HIVEP3: variants seen among roughly 807,000 people sequenced by gnomAD.
HIVEP3 encodes HIVEP zinc finger 3.
A neutral mutation model predicts 152.8 loss-of-function variants in HIVEP3; 49 were observed. That is an observed-to-expected ratio of 0.32 (90% CI 0.26 to 0.41). The LOEUF (loss-of-function observed/expected upper bound fraction) is 0.41. HIVEP3 is among the 10% of genes least tolerant of loss of function. The pLI, the probability that HIVEP3 is intolerant of heterozygous loss-of-function variation, is 1.00. For missense variants in HIVEP3, 2,790 were observed against 3,103.3 expected (o/e 0.90, Z 2.40); for synonymous variants, 1,269 against 1,289.0 (o/e 0.98, Z 0.33).
chr1:41,694,631 G>A (rs554490800), intron 2 of HIVEP3, among the ~76,000 whole-genome samples: 2 of 152,150 alleles, frequency 1.3e-5, no homozygotes, highest in East Asian at 1.9e-4. Flanking sequence ...ACTAGACTGC[G>A]TGTCATGTGC....
Position 41,580,527 on chromosome 1 carries a change from G to A in HIVEP3, c.4271C>T (p.Thr1424Ile), listed in dbSNP as rs780224546. The A allele has an allele frequency of 6.2e-6, 10 of 1,614,104 alleles. No individual in the cohort carries two copies. In the African/African-American group the frequency reaches 6.7e-5, roughly 11 times the overall value. The change falls in exon 4 of 9, where the codon ACA becomes ATA. Residue 1424 changes from threonine to isoleucine, a missense_variant. By Grantham distance (89) the Thr-to-Ile change is moderately conservative (BLOSUM62 -1). Transcript: ENST00000372583. ...SILSLEGSSS[T>I]AGGSKRVLSP... ...AAGGACACGTTTGCTTCCCCCTGCT[G>A]TTGATGAACTCCCCTCCAGGCTCAA...
chr1:41,798,474 TA>T (rs1163995699), intron 1 of HIVEP3, among the ~76,000 whole-genome samples: 2 of 152,170 alleles, frequency 1.3e-5, no homozygotes, highest in African/African-American at 2.4e-5. Flanking sequence ...CATAAAGCCA[TA>T]GGCTGATGCC....
intron 1 of HIVEP3, among the ~76,000 whole-genome samples, chr1:42,016,891 G>C (rs995633364): frequency 3.3e-5 from 5 of 151,976 alleles, no homozygotes; most frequent in Admixed American, 6.6e-5. Context: ...TATTTATGTA[G>C]GCAAATATTT....
At chr1:41,994,198 G>A (rs1477105805) in intron 1 of HIVEP3, among the ~76,000 whole-genome samples, 1 of 149,502 alleles carries the variant, frequency 6.7e-6, no homozygotes, top group Admixed American at 6.7e-5. Context: ...TCTCTGGAGA[G>A]AAGCATGTTA....
rs1002570755 is a variant in HIVEP3, at chr1:42,011,689, T to C, written n.119+24118A>G. Among the ~76,000 whole-genome samples, 8 of 152,328 alleles carry C rather than the reference T, an allele frequency of 5.3e-5. No individual in the cohort carries two copies. In the East Asian group the frequency reaches 7.7e-4, roughly 15 times the overall value. ...TCCTCCACCGATTCTGTGGTCCTCA[T>C]GTTGGCCTCAAAGCCTCAAGGCAGA... On this transcript the variant is annotated intron_variant and non_coding_transcript_variant, in intron 1 of 3. Coordinates refer to the HIVEP3 transcript ENST00000489103.
At chr1:41,982,651 C>T (rs1354948911) in intron 1 of HIVEP3, among the ~76,000 whole-genome samples, 3 of 152,108 alleles carry the variant, frequency 2.0e-5, no homozygotes, top group African/African-American at 7.2e-5. Context: ...GTAGTTCCAC[C>T]GGGTCAGTTC....
At chr1:41,565,527 GACACACACAC>G (rs56139506) in intron 5 of HIVEP3, among the ~76,000 whole-genome samples, 22 of 137,386 alleles carry the variant, frequency 1.6e-4, no homozygotes, top group African/African-American at 5.4e-4. Flanking sequence ...AAAACTGAAA[GACACACACAC>G]ACACACACAC....
At chr1:42,001,597 C>A (rs1275539332) in intron 1 of HIVEP3, among the ~76,000 whole-genome samples, 3 of 152,170 alleles carry the variant, frequency 2.0e-5, no homozygotes, top group Non-Finnish European at 4.4e-5. Context: ...CTGGGCTGGG[C>A]CCCGAAGACA....
At chr1:41,663,832 G>C (rs993611212) in intron 2 of HIVEP3, among the ~76,000 whole-genome samples, 2 of 152,116 alleles carry the variant, frequency 1.3e-5, no homozygotes, top group Admixed American at 1.3e-4. Context: ...CTGTTCTGTG[G>C]ATCACCACCA....
intron 1 of HIVEP3, among the ~76,000 whole-genome samples, chr1:41,842,601 C>T (rs1643322341): frequency 6.6e-6 from 1 of 152,298 alleles, no homozygotes; most frequent in East Asian, 1.9e-4. Context: ...TAACAGAATG[C>T]TAGCTTCCCA....
At chr1:41,829,440 A>G (rs1180880185) in intron 1 of HIVEP3, among the ~76,000 whole-genome samples, 1 of 152,142 alleles carries the variant, frequency 6.6e-6, no homozygotes, top group Non-Finnish European at 1.5e-5. Flanking sequence ...AGGCCCTGAA[A>G]ATGGCCCAGA....
chr1:41,669,614 A>G (rs1394141198), intron 2 of HIVEP3, among the ~76,000 whole-genome samples: 2 of 152,158 alleles, frequency 1.3e-5, no homozygotes, highest in Non-Finnish European at 2.9e-5. Context: ...GAGCTGGGAC[A>G]TTGGTCTTTT....
intron 1 of HIVEP3, among the ~76,000 whole-genome samples, chr1:42,022,690 T>C (rs348128): frequency 0.8 from 121,379 of 152,212 alleles, 49,070 homozygotes; most frequent in East Asian, 0.96. Context: ...GTCACCACTT[T>C]TATATATCTC....
In HIVEP3 at chr1:41,516,284, C is replaced by G. The variant is rs1392762750; in HGVS notation, c.5470+2118G>C. Among the ~76,000 whole-genome samples the G allele has an allele frequency of 2.1e-5, 3 of 142,750 alleles. No homozygotes were observed. In the Admixed American group the frequency reaches 2.1e-4, roughly 10 times the overall value. The allele number at this position is 142,750 out of a possible 152,430, so 93.6% of individuals were successfully genotyped here. On this transcript the variant is annotated intron_variant, in intron 7 of 8. Transcript: ENST00000372583. ...AGAGGCCACACGGTGGCGCTAGCGC[C>G]CAGCCTGGCCAGCACCATGGGCAGG...
Position 41,787,428 on chromosome 1 carries a change from AC to A in HIVEP3, c.-800-86434del, listed in dbSNP as rs201146898. Among the ~76,000 whole-genome samples, 134 of 151,864 alleles carry A rather than the reference AC, an allele frequency of 8.8e-4. 4 individuals are homozygous for A. The East Asian group carries it at 0.025, about 29-fold the overall frequency. ...TACTGGACAATGCCGATCTGGGCAT[AC>A]CCCCTCCCTACGTATACTTACGCCC... On this transcript the variant is annotated intron_variant, in intron 1 of 8. Transcript: ENST00000372583.
intron 5 of HIVEP3, among the ~76,000 whole-genome samples, chr1:41,568,220 T>A (rs1644197976): frequency 6.6e-6 from 1 of 152,166 alleles, no homozygotes; most frequent in African/African-American, 2.4e-5. Context: ...AGGAAGAGGA[T>A]AAGAAGTGCC....
intron 1 of HIVEP3, among the ~76,000 whole-genome samples, chr1:41,863,582 G>T (rs1286658284): frequency 1.3e-5 from 2 of 152,214 alleles, no homozygotes; most frequent in Non-Finnish European, 2.9e-5. Context: ...TATGCTTTCT[G>T]TACTTTTGCA....
At chr1:41,685,852 TCTC>T (rs1293096106) in intron 2 of HIVEP3, among the ~76,000 whole-genome samples, 139 of 152,252 alleles carry the variant, frequency 9.1e-4, no homozygotes, top group African/African-American at 3.2e-3. Flanking sequence ...CATGGTTCTC[TCTC>T]CAACCCGCCT....
intron 3 of HIVEP3, among the ~76,000 whole-genome samples, chr1:41,626,202 C>T (rs1035984482): frequency 3.3e-5 from 5 of 151,672 alleles, no homozygotes; most frequent in East Asian, 3.9e-4. Context: ...AGCACCGGGG[C>T]GTTTGCAGCA....
Sources: allele counts gnomAD v4.1 joint callset (sites outside exome capture counted in the v4.1 genomes callset), GRCh38; gene constraint gnomAD v4.1.1; transcripts MANE v1.5; gene names NCBI Gene and HGNC (gene_info 2026-07-23, HGNC 2026-07-21).